The following RYR2 variants were observed in gnomAD, a reference collection of about 807,000 sequenced individuals.
RYR2 encodes cardiac muscle ryanodine receptor-calcium release channel.
Under a neutral mutation model 601.1 loss-of-function variants are expected in RYR2, and 227 were observed. The observed-to-expected ratio is 0.38, with a 90% CI of 0.34 to 0.42. RYR2 has a LOEUF of 0.42. Ranked by LOEUF, RYR2 falls within the 10% of genes least tolerant of loss-of-function variation. The pLI, the probability that RYR2 is intolerant of heterozygous loss-of-function variation, is 1.00. For synonymous variants in RYR2, 2,223 were observed against 2,175.1 expected, an observed-to-expected ratio of 1.02 and a Z score of -0.61; for missense variants, 4,646 against 6,156.5, an observed-to-expected ratio of 0.75 and a Z score of 8.21.
chr1:237,544,969 G>A (rs1669647074), intron 25 of RYR2, among the ~76,000 whole-genome samples: 2 of 152,242 alleles, frequency 1.3e-5, no homozygotes, highest in Non-Finnish European at 2.9e-5. Context: ...AAAGGTTCAG[G>A]TGAAGTGAGA....
At chr1:237,065,437 G>A (rs1016495095) in intron 1 of RYR2, among the ~76,000 whole-genome samples, 1 of 122,062 alleles carries the variant, frequency 8.2e-6, no homozygotes. Context: ...CCACCACCAC[G>A]CCTGGCTAAT....
intron 17 of RYR2, among the ~76,000 whole-genome samples, chr1:237,475,327 C>CT (rs1661284439): frequency 6.6e-6 from 1 of 152,090 alleles, no homozygotes; most frequent in Admixed American, 6.6e-5. Context: ...GGGGTGTTCT[C>CT]TTATTTTGGG....
At chr1:237,208,673 G>A (rs544932946) in intron 1 of RYR2, among the ~76,000 whole-genome samples, 45 of 151,930 alleles carry the variant, frequency 3.0e-4, no homozygotes, top group Non-Finnish European at 5.6e-4. Flanking sequence ...GCTAATGAAC[G>A]TATTTATGAC....
At chr1:237,660,990 G>T in intron 56 of RYR2, 43 bp downstream of exon 56, 4 of 1,272,726 alleles carry the variant, frequency 3.1e-6, no homozygotes, top group Non-Finnish European at 4.0e-6. Context: ...TTATGTTATG[G>T]ATTAAATAAT....
intron 10 of RYR2, among the ~76,000 whole-genome samples, chr1:237,395,703 C>T (rs7517031): frequency 0.32 from 48,621 of 151,674 alleles, 8,154 homozygotes; most frequent in East Asian, 0.41. Context: ...CCCGCCACCA[C>T]GCCTGGCTAA....
intron 51 of RYR2, among the ~76,000 whole-genome samples, chr1:237,653,438 G>A (rs1049355970): frequency 2.0e-5 from 3 of 152,110 alleles, no homozygotes; most frequent in Non-Finnish European, 4.4e-5. Context: ...AATGATTAAC[G>A]TAGAACTCAG....
intron 79 of RYR2, among the ~76,000 whole-genome samples, chr1:237,736,448 T>G (rs1573736749): frequency 2.5e-5 from 3 of 121,202 alleles, no homozygotes; most frequent in Non-Finnish European, 1.7e-5. Context: ...GGCGATGGAG[T>G]GAGAGTCCGT....
chr1:237,254,865 A>G (rs1267676803), intron 1 of RYR2, among the ~76,000 whole-genome samples: 1 of 152,208 alleles, frequency 6.6e-6, no homozygotes, highest in Non-Finnish European at 1.5e-5. Context: ...TCATCTCTGA[A>G]TACTTTATGC....
intron 1 of RYR2, among the ~76,000 whole-genome samples, chr1:237,213,359 G>A (rs1328969920): frequency 5.3e-5 from 8 of 151,832 alleles, no homozygotes; most frequent in African/African-American, 1.9e-4. Context: ...TGAATTTTTT[G>A]TATAAATGCG....
At chr1:237,796,606 T>C (rs1171765404) in intron 96 of RYR2, among the ~76,000 whole-genome samples, 3 of 152,174 alleles carry the variant, frequency 2.0e-5, no homozygotes, top group African/African-American at 7.2e-5. Flanking sequence ...TTCATCAGTA[T>C]ATTTCCTTCT....
Position 237,660,922 on chromosome 1 carries a change from CTCG to C in RYR2, c.8416_8418del (p.Arg2806del). The C allele has an allele frequency of 6.8e-7, 1 of 1,459,884 alleles. No individual in the cohort carries two copies. Among genetic ancestry groups the C allele is most frequent in the South Asian group, 1.6e-5 (1 of 63,288 alleles). The allele number at this position is 1,459,884 out of a possible 1,614,324, so 90.4% of individuals were successfully genotyped here. ...GACAGCATGGCCCTTTACAACCGGA[CTCG>C]TCGTATTTCTCAGACAAGCCAGGTA... On this transcript the variant is annotated inframe_deletion, in exon 56 of 105. Coordinates refer to ENST00000366574, the MANE Select transcript of RYR2 (RefSeq NM_001035.3).
chr1:237,394,074 A>G (rs1396833270), intron 10 of RYR2, among the ~76,000 whole-genome samples: 2 of 152,212 alleles, frequency 1.3e-5, no homozygotes, highest in Non-Finnish European at 1.5e-5. Flanking sequence ...GATTTTCTCA[A>G]TTAAAATTTA....
At chr1:237,763,156 G>A (rs557683599) in intron 84 of RYR2, among the ~76,000 whole-genome samples, 210 of 152,212 alleles carry the variant, frequency 1.4e-3, no homozygotes, top group Non-Finnish European at 2.4e-3. Context: ...GATATGAAGG[G>A]GCAACAAGCA....
intron 36 of RYR2, among the ~76,000 whole-genome samples, chr1:237,612,697 G>A (rs1678020454): frequency 6.6e-6 from 1 of 152,014 alleles, no homozygotes; most frequent in African/African-American, 2.4e-5. Context: ...CATTTGGGAA[G>A]GAATTCTTGT....
chr1:237,105,762 A>G (rs1668589083), intron 1 of RYR2, among the ~76,000 whole-genome samples: 1 of 138,266 alleles, frequency 7.2e-6, no homozygotes, highest in Admixed American at 8.0e-5. Context: ...TGAACCCAGG[A>G]GGTGGGAGGT....
At chr1:237,613,960 C>A in intron 36 of RYR2, 79 bp from the exon 37 acceptor site, 2 of 1,330,714 alleles carry the variant, frequency 1.5e-6, no homozygotes, top group Non-Finnish European at 2.1e-6. Context: ...ATTTACAGTG[C>A]ATACTGATTT....
chr1:237,792,354 TGTGTGTGTGTGTGTGTGTGTGTGTGTGC>T (rs1558425041), intron 94 of RYR2, 31 bp downstream of exon 94: 4 of 310,612 alleles, frequency 1.3e-5, no homozygotes, highest in Non-Finnish European at 2.0e-5. Flanking sequence ...GGTACCTGTG[TGTGTGTGTGTGTGTGTGTGTGTGTGTGC>T]GTGTGTGTGT....
intron 98 of RYR2, among the ~76,000 whole-genome samples, chr1:237,805,580 CAAAAAAAAA>C (rs772404939): frequency 5.3e-5 from 2 of 37,688 alleles, no homozygotes; most frequent in African/African-American, 1.6e-4. Flanking sequence ...GACTCTGTCT[CAAAAAAAAA>C]AAAAAAAAAA....
Position 237,742,333 on chromosome 1 carries a change from A to T in RYR2, c.11129A>T (p.Glu3710Val), listed in dbSNP as rs1691687609. The stretch of plus-strand genomic sequence containing the variant: ...GAGGAAGATGACGATGGTGAAGAGG[A>T]AGTGAAGAGTTTTGAAGTAAGATGG... ...HDEEDDDGEE[E>V]VKSFEEKEME... Residue 3710 changes from glutamate (E) to valine (V), a missense_variant, in exon 80 of 105, where the codon GAA (glutamate) becomes GTA (valine). Glu to Val is a moderately radical substitution (Grantham distance 121). Transcript: ENST00000366574. The T allele has an allele frequency of 6.4e-7, 1 of 1,571,446 alleles. No homozygotes were observed. Among genetic ancestry groups the T allele is most frequent in the Non-Finnish European group, 8.7e-7 (1 of 1,155,452 alleles).
Sources: allele counts gnomAD v4.1 joint callset (sites outside exome capture counted in the v4.1 genomes callset), GRCh38; gene constraint gnomAD v4.1.1; transcripts MANE v1.5; gene names NCBI Gene and HGNC (gene_info 2026-07-23, HGNC 2026-07-21).